Variants in SEMA3A observed in about 807,000 individuals in gnomAD.
SEMA3A encodes the protein semaphorin-3A.
Under a neutral mutation model 97.9 loss-of-function variants are expected in SEMA3A, and 29 were observed. That is an observed-to-expected ratio of 0.30 (90% CI 0.22 to 0.40). SEMA3A has a LOEUF of 0.40. Among genes scored for constraint, SEMA3A ranks in the 10% least tolerant of loss-of-function variants. The probability of loss-of-function intolerance (pLI) is 1.00; values close to 1 mark genes in which losing one functional copy is unlikely to be tolerated. For synonymous variants in SEMA3A, 321 were observed against 323.7 expected, an observed-to-expected ratio of 0.99 and a Z score of 0.09; for missense variants, 763 against 951.3, an observed-to-expected ratio of 0.80 and a Z score of 2.60.
In SEMA3A at chr7:84,052,209, G is replaced by A. The variant is rs560785518; in HGVS notation, c.548-5766C>T. Reference sequence around the variant, plus strand: ...TGTCTCTGCCTGGCTTTGGTATCAGGATGATGCTGGCCTCATAAAATGAGT... The same window carrying A: ...TGTCTCTGCCTGGCTTTGGTATCAGAATGATGCTGGCCTCATAAAATGAGT... On this transcript the variant is annotated intron_variant, in intron 5 of 16. Transcript: ENST00000265362. Among the ~76,000 whole-genome samples, 68 of 152,034 alleles carry A rather than the reference G, an allele frequency of 4.5e-4. No homozygotes were observed. In the South Asian group the frequency reaches 0.011, roughly 25 times the overall value.
At chr7:84,223,162 G>C (rs1004580879) in intron 3 of SEMA3A, among the ~76,000 whole-genome samples, 1 of 151,860 alleles carries the variant, frequency 6.6e-6, no homozygotes. Flanking sequence ...TAAAAATAAT[G>C]CTAACAATAA....
chr7:83,985,532 T>C, intron 12 of SEMA3A, 55 bp from the exon 13 acceptor site: 6 of 1,415,466 alleles, frequency 4.2e-6, no homozygotes, highest in Non-Finnish European at 6.0e-6. Flanking sequence ...CAGCCAGCTA[T>C]TAGTTAATTA....
chr7:84,436,747 C>G (rs1288084088), intron 1 of SEMA3A, among the ~76,000 whole-genome samples: 5 of 151,988 alleles, frequency 3.3e-5, no homozygotes, highest in African/African-American at 1.2e-4. Flanking sequence ...GGTGGTAAGT[C>G]TGAACATAGA....
At chr7:84,308,331 G>A (rs1165538543) in intron 2 of SEMA3A, among the ~76,000 whole-genome samples, 2 of 152,174 alleles carry the variant, frequency 1.3e-5, no homozygotes, top group Non-Finnish European at 2.9e-5. Flanking sequence ...ATATAGGTAA[G>A]TTATCAGAAA....
chr7:83,970,088 T>A (rs575582115), intron 15 of SEMA3A, among the ~76,000 whole-genome samples: 24 of 152,246 alleles, frequency 1.6e-4, no homozygotes, highest in Admixed American at 2.6e-4. Flanking sequence ...ATCTGAATGG[T>A]TAGAACAAAA....
At chr7:84,163,243 A>G (rs1445679962) in intron 1 of SEMA3A, among the ~76,000 whole-genome samples, 2 of 152,196 alleles carry the variant, frequency 1.3e-5, no homozygotes, top group Non-Finnish European at 2.9e-5. Flanking sequence ...GTTCCAATAA[A>G]TTATACTTAA....
chr7:84,388,417 A>C (rs1191025052), intron 1 of SEMA3A, among the ~76,000 whole-genome samples: 1 of 152,108 alleles, frequency 6.6e-6, no homozygotes, highest in Admixed American at 6.6e-5. Context: ...TTTAAAGCAC[A>C]TGTTCTGTCA....
In SEMA3A at chr7:84,125,596, T is replaced by C. The variant is rs1795767253; in HGVS notation, c.333+3527A>G. On this transcript the variant is annotated intron_variant, in intron 3 of 16. Coordinates refer to ENST00000265362, the MANE Select transcript of SEMA3A (RefSeq NM_006080.3). Reference sequence around the variant, plus strand: ...CTAAAGTCATGATTAAGTGATTAAATTATCCTCCACAGGGCCTTGTGGATC... The same window carrying C: ...CTAAAGTCATGATTAAGTGATTAAACTATCCTCCACAGGGCCTTGTGGATC... Among the ~76,000 whole-genome samples, 4 of 152,178 alleles carry C rather than the reference T, an allele frequency of 2.6e-5. No homozygotes were observed. In the South Asian group the frequency reaches 8.3e-4, roughly 32 times the overall value.
At chr7:83,999,447 C>T (rs2116379362) in intron 12 of SEMA3A, among the ~76,000 whole-genome samples, 1 of 151,932 alleles carries the variant, frequency 6.6e-6, no homozygotes, top group Admixed American at 6.6e-5. Context: ...ATAATAAAAA[C>T]CTTATTTTTA....
intron 4 of SEMA3A, among the ~76,000 whole-genome samples, chr7:84,061,162 T>C (rs952890260): frequency 1.6e-4 from 25 of 152,270 alleles, no homozygotes; most frequent in Admixed American, 4.6e-4. Flanking sequence ...AAGAGGGAAA[T>C]ATCCCAGGTT....
chr7:83,990,914 T>A (rs4574791), intron 12 of SEMA3A, among the ~76,000 whole-genome samples: 47,108 of 145,050 alleles, frequency 0.32, 5,425 homozygotes, highest in East Asian at 0.66. Flanking sequence ...TTGGGCAGTA[T>A]GACCATTTTC....
At chr7:84,194,146 G>T (rs2116277060) in intron 1 of SEMA3A, among the ~76,000 whole-genome samples, 1 of 152,168 alleles carries the variant, frequency 6.6e-6, no homozygotes, top group African/African-American at 2.4e-5. Context: ...CTATTTTTAA[G>T]AAAATATTTT....
At chr7:83,990,602 C>A (rs1584513762) in intron 12 of SEMA3A, among the ~76,000 whole-genome samples, 1 of 143,120 alleles carries the variant, frequency 7.0e-6, no homozygotes, top group East Asian at 2.1e-4. Context: ...TTGTTTTTCT[C>A]AGGTTTGTCA....
At chr7:84,005,272 A>C (rs1162892136) in intron 11 of SEMA3A, 67 bp downstream of exon 11, 1 of 1,172,654 alleles carries the variant, frequency 8.5e-7, no homozygotes, top group African/African-American at 1.5e-5. Context: ...GAGATGTTCA[A>C]AGATCAACTT....
intron 1 of SEMA3A, among the ~76,000 whole-genome samples, chr7:84,182,976 A>G (rs1333743867): frequency 2.6e-5 from 4 of 152,158 alleles, no homozygotes; most frequent in Non-Finnish European, 5.9e-5. Flanking sequence ...TATAATCTCC[A>G]AAGCAAGTAA....
chr7:84,333,881 C>A (rs1801966343), intron 2 of SEMA3A, among the ~76,000 whole-genome samples: 1 of 106,812 alleles, frequency 9.4e-6, no homozygotes, highest in African/African-American at 4.7e-5. Context: ...TTTGCCATTG[C>A]CAGAAATTTA....
intron 1 of SEMA3A, among the ~76,000 whole-genome samples, chr7:84,150,428 G>C (rs912179546): frequency 3.9e-5 from 6 of 152,218 alleles, no homozygotes; most frequent in Admixed American, 2.6e-4. Flanking sequence ...CCTCACTCGG[G>C]AAGCGCAAGG....
intron 3 of SEMA3A, among the ~76,000 whole-genome samples, chr7:84,126,452 C>T (rs543635992): frequency 1.3e-5 from 2 of 152,260 alleles, no homozygotes; most frequent in African/African-American, 2.4e-5. Context: ...GTGATCCATC[C>T]TCTCCAGCCT....
intron 1 of SEMA3A, among the ~76,000 whole-genome samples, chr7:84,478,926 A>G (rs1000760498): frequency 6.6e-6 from 1 of 152,124 alleles, no homozygotes; most frequent in Admixed American, 6.6e-5. Flanking sequence ...GTGATTATCA[A>G]CCTTATATAA....
Sources: allele counts gnomAD v4.1 joint callset (sites outside exome capture counted in the v4.1 genomes callset), GRCh38; gene constraint gnomAD v4.1.1; transcripts MANE v1.5; gene names NCBI Gene and HGNC (gene_info 2026-07-23, HGNC 2026-07-21).